The following SLC7A11 variants were observed in gnomAD, a reference collection of about 807,000 sequenced individuals.
SLC7A11 encodes the protein cystine/glutamate transporter.
In SLC7A11, 35 loss-of-function variants were observed where a neutral mutation model predicts 54.5. The observed-to-expected ratio is 0.64, with a 90% CI of 0.49 to 0.85. SLC7A11 has a LOEUF of 0.85. SLC7A11 is among the 40% of genes least tolerant of loss of function. SLC7A11 has a pLI of 0.00. For synonymous variants in SLC7A11, 230 were observed against 225.2 expected, an observed-to-expected ratio of 1.02 and a Z score of -0.19; for missense variants, 583 against 618.1, an observed-to-expected ratio of 0.94 and a Z score of 0.60.
intron 4 of SLC7A11, among the ~76,000 whole-genome samples, chr4:138,220,096 T>C (rs559769018): frequency 2.8e-4 from 43 of 152,146 alleles, no homozygotes; most frequent in African/African-American, 9.2e-4. Context: ...CGCGCCATCA[T>C]GCCCAACTAA....
chr4:138,223,330 A>G lies in SLC7A11; in HGVS notation c.521-6T>C. Reference sequence around the variant, plus strand: ...ATTTAGGACCATCACTACAGCTGCAAACAAATAGAGGAAGTTACAAAAGGT... The same window carrying G: ...ATTTAGGACCATCACTACAGCTGCAGACAAATAGAGGAAGTTACAAAAGGT... On this transcript the variant is annotated splice_region_variant and splice_polypyrimidine_tract_variant and intron_variant, in intron 3 of 11. Coordinates refer to ENST00000280612, the MANE Select transcript of SLC7A11 (RefSeq NM_014331.4). 2 of 1,612,512 alleles carry G rather than the reference A, an allele frequency of 1.2e-6. No homozygotes were observed. The highest frequency in any genetic ancestry group is 1.7e-6 in the Non-Finnish European group (2 of 1,179,036).
intron 5 of SLC7A11, among the ~76,000 whole-genome samples, chr4:138,216,731 C>T (rs185026523): frequency 1.7e-4 from 26 of 152,294 alleles, no homozygotes; most frequent in Admixed American, 1.3e-3. Flanking sequence ...CTTTTACTTA[C>T]AGGCTAACAG....
chr4:138,185,107 C>T lies in SLC7A11; in HGVS notation c.915+14G>A. The T allele has an allele frequency of 6.2e-7, 1 of 1,612,278 alleles. No homozygotes were observed. The highest frequency in any genetic ancestry group is 1.1e-5 in the South Asian group (1 of 91,014). On this transcript the variant is annotated intron_variant, in intron 7 of 11. Transcript: ENST00000280612. ...ACCTAAATTCCAATTGGCATTTTCC[C>T]AACTTGGACTTACCACTGCCACTGC...
chr4:138,181,595 G>C (rs75764190), intron 9 of SLC7A11, among the ~76,000 whole-genome samples: 1,600 of 152,128 alleles, frequency 0.011, 27 homozygotes, highest in African/African-American at 0.036. Flanking sequence ...AAAAAAAAAT[G>C]TTCAGTGCAT....
chr4:138,187,892 C>A (rs930318487), intron 6 of SLC7A11, among the ~76,000 whole-genome samples: 2 of 151,958 alleles, frequency 1.3e-5, no homozygotes, highest in Admixed American at 1.3e-4. Context: ...GGGAAGGTAA[C>A]CATGCCTCAG....
chr4:138,238,890 ACCATG>A, intron 1 of SLC7A11, among the ~76,000 whole-genome samples: 1 of 152,340 alleles, frequency 6.6e-6, no homozygotes, highest in East Asian at 1.9e-4. Flanking sequence ...GGCATGAGCC[ACCATG>A]CTCAGTCTGG....
Position 138,166,714 on chromosome 4 carries a change from C to T in SLC7A11, c.*5242G>A, listed in dbSNP as rs760435936. ...TATAAATGTACACTTGATTCAAGTA[C>T]GCTGAAACACACACATGTAACAGCT... On this transcript the variant is annotated 3_prime_UTR_variant, in exon 12 of 12. Transcript: ENST00000280612. 1.3e-5 allele frequency: 2 copies of T among 152,350 alleles called. No individual in the cohort carries two copies. The highest frequency in any genetic ancestry group is 2.9e-5 in the Non-Finnish European group (2 of 68,020). The allele number at this position is 152,350 out of a possible 1,614,324, so 9.4% of individuals were successfully genotyped here.
At chr4:138,188,252 A>G (rs1399735595) in intron 6 of SLC7A11, among the ~76,000 whole-genome samples, 1 of 152,066 alleles carries the variant, frequency 6.6e-6, no homozygotes, top group African/African-American at 2.4e-5. Context: ...TATTAGAGAC[A>G]GGGTTTCACC....
At chr4:138,200,207 T>C (rs1379650110) in intron 6 of SLC7A11, among the ~76,000 whole-genome samples, 1 of 152,156 alleles carries the variant, frequency 6.6e-6, no homozygotes, top group Non-Finnish European at 1.5e-5. Context: ...CCTCCACAAA[T>C]GATATTTAAC....
At chr4:138,214,739 A>T in intron 5 of SLC7A11, 110 bp from the exon 6 acceptor site, 2 of 363,436 alleles carry the variant, frequency 5.5e-6, no homozygotes, top group East Asian at 5.0e-5. Context: ...CTATAACAAT[A>T]CTTATAGTAA....
At position 138,179,275 on chromosome 4, in the gene SLC7A11, A is replaced by G. The variant is rs1348914603; in HGVS notation, c.1386T>C (p.Pro462=). 7 of 1,612,526 alleles carry G rather than the reference A, an allele frequency of 4.3e-6. No homozygotes were observed. The highest frequency in any genetic ancestry group is 1.7e-5 in the Admixed American group (1 of 59,912). The stretch of plus-strand genomic sequence containing the variant: ...CCCATATAATAAAGAGATAATACGC[A>G]GGGACTCCAGTCAGAGTGATGACGA... ...IGFVITLTGV[P]AYYLFIIWDK... The change falls in exon 11 of 12, where the codon CCT becomes CCC. Residue 462 remains proline, a synonymous_variant. Coordinates refer to ENST00000280612, the MANE Select transcript of SLC7A11 (RefSeq NM_014331.4).
intron 2 of SLC7A11, among the ~76,000 whole-genome samples, chr4:138,233,727 ATG>A (rs774570907): frequency 5.3e-5 from 8 of 152,164 alleles, no homozygotes; most frequent in Non-Finnish European, 1.2e-4. Flanking sequence ...ACAATTTTTT[ATG>A]TATAATTTAA....
chr4:138,240,913 T>C (rs1738360632), intron 1 of SLC7A11, among the ~76,000 whole-genome samples: 1 of 152,206 alleles, frequency 6.6e-6, no homozygotes, highest in Non-Finnish European at 1.5e-5. Flanking sequence ...GGGGCATTTA[T>C]TTACCTCTTT....
At chr4:138,177,939 A>C (rs1340758079) in intron 11 of SLC7A11, 1 of 152,050 alleles carries the variant, frequency 6.6e-6, no homozygotes, top group East Asian at 1.9e-4. Context: ...CACCAAAGTC[A>C]ATATTCTGTC....
chr4:138,222,500 C>T (rs1375711969), intron 4 of SLC7A11, among the ~76,000 whole-genome samples: 1 of 152,322 alleles, frequency 6.6e-6, no homozygotes, highest in Non-Finnish European at 1.5e-5. Context: ...TGTCCTCCAA[C>T]AATTTCCACT....
At chr4:138,241,295 T>C (rs1738370995) in intron 1 of SLC7A11, among the ~76,000 whole-genome samples, 1 of 152,154 alleles carries the variant, frequency 6.6e-6, no homozygotes, top group Non-Finnish European at 1.5e-5. Context: ...GACAAGCACA[T>C]GAACTTAAAA....
rs1489820573 is a variant in SLC7A11, at chr4:138,214,576, G to T, written c.791+9C>A. ...TCATAAAAATTTCAGGGTACATCTGGCTACTTACTTTTCAGGGTTTTCTAC... is the reference window on the plus strand; with the variant it reads ...TCATAAAAATTTCAGGGTACATCTGTCTACTTACTTTTCAGGGTTTTCTAC... On this transcript the variant is annotated intron_variant, in intron 6 of 11. Transcript: ENST00000280612. 3 of 1,453,310 alleles carry T rather than the reference G, an allele frequency of 2.1e-6. No homozygotes were observed. Among genetic ancestry groups the T allele is most frequent in the Non-Finnish European group, 2.8e-6 (3 of 1,069,320 alleles). The allele number at this position is 1,453,310 out of a possible 1,614,324, so 90.0% of individuals were successfully genotyped here.
chr4:138,200,101 C>G (rs4495092), intron 6 of SLC7A11, among the ~76,000 whole-genome samples: 143,281 of 152,164 alleles, frequency 0.94, 67,954 homozygotes, highest in East Asian at 1. Context: ...AGTTAATCTT[C>G]TTTTCTATTT....
Position 138,236,317 on chromosome 4 carries a change from G to A in SLC7A11, c.404+8C>T, listed in dbSNP as rs777716118. 2 of 1,600,062 alleles carry A rather than the reference G, an allele frequency of 1.2e-6. No homozygotes were observed. The highest frequency in any genetic ancestry group is 1.7e-6 in the Non-Finnish European group (2 of 1,175,534). ...ATTTTTTCTTAATTCTTTCTACTAT[G>A]CTCTTACCGTATTATGAGGAGTTCC... On this transcript the variant is annotated splice_region_variant and intron_variant, in intron 2 of 11. Coordinates refer to ENST00000280612, the MANE Select transcript of SLC7A11 (RefSeq NM_014331.4).
Sources: allele counts gnomAD v4.1 joint callset (sites outside exome capture counted in the v4.1 genomes callset), GRCh38; gene constraint gnomAD v4.1.1; transcripts MANE v1.5; gene names NCBI Gene and HGNC (gene_info 2026-07-23, HGNC 2026-07-21).